GART: variants seen among roughly 807,000 people sequenced by gnomAD.
GART encodes the protein trifunctional purine biosynthetic protein adenosine-3.
In GART, 43 loss-of-function variants were observed where a neutral mutation model predicts 107.2. That is an observed-to-expected ratio of 0.40 (90% CI 0.31 to 0.52). The LOEUF is 0.52. Among genes scored for constraint, GART ranks in the 20% least tolerant of loss-of-function variants. The pLI is 0.52. For synonymous variants in GART, 434 were observed against 427.0 expected (o/e 1.02, Z -0.20); for missense variants, 1,107 against 1,206.5 (o/e 0.92, Z 1.22).
At chr21:33,506,678 G>T (rs534577927) in intron 18 of GART, among the ~76,000 whole-genome samples, 1 of 152,206 alleles carries the variant, frequency 6.6e-6, no homozygotes, top group African/African-American at 2.4e-5. Context: ...TCTGACAAGG[G>T]ATTAATAACC....
At chr21:33,511,174 C>T (rs2084777900) in intron 17 of GART, 78 bp downstream of exon 17, 12 of 1,475,718 alleles carry the variant, frequency 8.1e-6, no homozygotes, top group Non-Finnish European at 1.0e-5. Flanking sequence ...GGGCAGAAAG[C>T]TTGTGAGGCA....
chr21:33,531,959 C>G (rs2085200415), intron 5 of GART: 1 of 247,794 alleles, frequency 4.0e-6, no homozygotes, highest in East Asian at 9.7e-5. Context: ...AAACCCACAA[C>G]AACAAAGATC....
intron 1 of GART, among the ~76,000 whole-genome samples, chr21:33,541,832 TAA>T (rs1237766732): frequency 6.6e-6 from 1 of 152,070 alleles, no homozygotes; most frequent in Non-Finnish European, 1.5e-5. Flanking sequence ...TAAAAATGTA[TAA>T]AGACACAAAA....
chr21:33,510,556 T>C (rs2084767550), intron 17 of GART, among the ~76,000 whole-genome samples: 1 of 151,902 alleles, frequency 6.6e-6, no homozygotes, highest in African/African-American at 2.4e-5. Flanking sequence ...GGTCTTGATC[T>C]CCTGACCTCG....
chr21:33,511,577 A>C, intron 16 of GART, 119 bp from the exon 17 acceptor site: 9 of 1,058,328 alleles, frequency 8.5e-6, no homozygotes, highest in Non-Finnish European at 5.6e-6. Context: ...ATGTAGGGTA[A>C]AACTATAAAT....
At chr21:33,518,703 CA>C in intron 14 of GART, 1 of 441,912 alleles carries the variant, frequency 2.3e-6, no homozygotes, top group Non-Finnish European at 4.5e-6. Flanking sequence ...ATAGCCTCAT[CA>C]AAACTCCTTA....
intron 10 of GART, 86 bp downstream of exon 10, chr21:33,528,081 G>A: frequency 2.3e-6 from 3 of 1,287,200 alleles, no homozygotes; most frequent in Non-Finnish European, 3.3e-6. Flanking sequence ...CTCTTATCGA[G>A]AGCAAGCCTT....
chr21:33,523,298 T>C (rs973822811), intron 11 of GART, among the ~76,000 whole-genome samples: 7 of 152,178 alleles, frequency 4.6e-5, no homozygotes, highest in South Asian at 2.1e-4. Context: ...TTAACTCAAA[T>C]AAAGCCAGCA....
intron 16 of GART, among the ~76,000 whole-genome samples, chr21:33,512,028 G>A (rs571355386): frequency 6.6e-6 from 1 of 152,116 alleles, no homozygotes; most frequent in South Asian, 2.1e-4. Flanking sequence ...TTACATGCCT[G>A]TAATCCCAAC....
intron 20 of GART, 21 bp from the exon 21 acceptor site, chr21:33,504,548 A>G: frequency 6.5e-7 from 1 of 1,539,398 alleles, no homozygotes. Flanking sequence ...AAAAAAGCAT[A>G]GTGGTCAGAA....
At position 33,530,817 on chromosome 21, in the gene GART, A is replaced by G; in HGVS notation, c.665T>C (p.Leu222Pro). ...MPPAQDHKRL[L>P]EGDGGPNTGG... is the part of the protein sequence containing the mutation. ...TGTGTTAGGGCCACCATCTCCCTCC[A>G]GTAATCGCTTATGGTCCTGTGCTGG... The change falls in exon 7 of 22, where the codon CTG becomes CCG. Residue 222 changes from leucine (L) to proline (P), a missense_variant. Transcript: ENST00000381815. The G allele has an allele frequency of 6.5e-7, 1 of 1,541,660 alleles. No individual in the cohort carries two copies.
chr21:33,541,679 ACATAAG>A lies in GART; in HGVS notation c.-42+380_-42+385del, dbSNP rs1315846367. 1.1e-4 allele frequency among the ~76,000 whole-genome samples: 17 copies of A among 152,332 alleles called. No homozygotes were observed. In the East Asian group the frequency reaches 3.3e-3, roughly 29 times the overall value. On this transcript the variant is annotated intron_variant, in intron 1 of 21. Coordinates refer to ENST00000381815, the MANE Select transcript of GART (RefSeq NM_000819.5). ...TGGGCCTCATTCCTCAGAATGGGTA[ACATAAG>A]CAGAATAAGACAGGCAAATAAAGCC...
Position 33,517,044 on chromosome 21 carries a change from T to C in GART, c.2052A>G (p.Gly684=). 1.2e-6 allele frequency: 2 copies of C among 1,613,900 alleles called. No individual in the cohort carries two copies. The highest frequency in any genetic ancestry group is 1.7e-6 in the Non-Finnish European group (2 of 1,179,902). Residue 684 remains glycine (G), a synonymous_variant, in exon 16 of 22, where the codon GGA becomes GGG. Coordinates refer to ENST00000381815, the MANE Select transcript of GART (RefSeq NM_000819.5). ...CTCTGGGGATGTTCTCTAGTAATCC[T>C]CCACCAGTAATATGGGCAAAGGCTT... ...HVKAFAHITG[G]GLLENIPRVL...
Position 33,521,013 on chromosome 21 carries a change from A to G in GART, c.1396T>C (p.Cys466Arg). ...GCAAAACCTCCAAGATCAACTTTAC[A>G]GCCTGTTGGAGAGGAAATTAATTAC... is the stretch of plus-strand genomic sequence containing the variant. ...PLAKATSRSG[C>R]KVDLGGFAGL... The change falls in exon 13 of 22, where the codon TGT (cysteine) becomes CGT (arginine). Residue 466 changes from cysteine to arginine, a missense_variant and splice_region_variant. Transcript: ENST00000381815. The G allele has an allele frequency of 6.2e-7, 1 of 1,608,582 alleles. No individual in the cohort carries two copies. Among genetic ancestry groups the G allele is most frequent in the Non-Finnish European group, 8.5e-7 (1 of 1,176,654 alleles).
At chr21:33,506,144 CT>C in intron 18 of GART, 40 bp from the exon 19 acceptor site, 1 of 1,573,264 alleles carries the variant, frequency 6.4e-7, no homozygotes, top group Non-Finnish European at 8.6e-7. Context: ...CATACTACTA[CT>C]TCTTTTTTTT....
At chr21:33,511,179 G>A (rs2084778071) in intron 17 of GART, 73 bp downstream of exon 17, 2 of 1,504,344 alleles carry the variant, frequency 1.3e-6, no homozygotes, top group Non-Finnish European at 1.8e-6. Context: ...GAAAGCTTGT[G>A]AGGCAAGGCT....
intron 11 of GART, chr21:33,524,142 A>T: frequency 1.0e-6 from 1 of 985,410 alleles, no homozygotes; most frequent in Non-Finnish European, 1.2e-6. Context: ...CAAACTTTAC[A>T]GTATAATCAA....
At chr21:33,509,672 T>TC in intron 18 of GART, 111 bp downstream of exon 18, 1 of 1,053,610 alleles carries the variant, frequency 9.5e-7, no homozygotes, top group Non-Finnish European at 1.3e-6. Flanking sequence ...CCCTCATGAT[T>TC]CCCCCCAGTC....
At chr21:33,540,282 C>G (rs183097718) in intron 1 of GART, among the ~76,000 whole-genome samples, 5 of 152,274 alleles carry the variant, frequency 3.3e-5, no homozygotes, top group Admixed American at 3.3e-4. Flanking sequence ...AGCAGGAAAC[C>G]ATCAAAGGTT....
Sources: gnomAD v4.1 joint callset for allele counts (sites outside exome capture counted in the v4.1 genomes callset) on GRCh38, gnomAD v4.1.1 for gene constraint, MANE v1.5 for transcripts, NCBI Gene and HGNC (gene_info 2026-07-23, HGNC 2026-07-21) for gene names.